Variants in FER observed in about 807,000 individuals in gnomAD.
FER encodes the protein tyrosine-protein kinase Fer.
A neutral mutation model predicts 111.0 loss-of-function variants in FER; 63 were observed. The observed-to-expected ratio is 0.57, with a 90% CI of 0.46 to 0.70. The LOEUF is 0.70. Among genes scored for constraint, FER ranks in the 30% least tolerant of loss-of-function variants. FER has a pLI of 0.00. For missense variants in FER, 914 were observed against 954.0 expected, an observed-to-expected ratio of 0.96 and a Z score of 0.55; for synonymous variants, 327 against 313.9, an observed-to-expected ratio of 1.04 and a Z score of -0.44.
chr5:109,032,224 T>C (rs562509303), intron 13 of FER, among the ~76,000 whole-genome samples: 1 of 152,238 alleles, frequency 6.6e-6, no homozygotes, highest in African/African-American at 2.4e-5. Flanking sequence ...ATAAACTCTT[T>C]AGAGATGTTA....
intron 16 of FER, among the ~76,000 whole-genome samples, chr5:109,082,727 C>G (rs923593646): frequency 1.3e-5 from 2 of 151,814 alleles, no homozygotes; most frequent in South Asian, 2.1e-4. Flanking sequence ...ATTCCATGTA[C>G]TGTACTATTA....
At position 108,954,735 on chromosome 5, in the gene FER, G is replaced by T; in HGVS notation, c.1336G>T (p.Asp446Tyr). 3.9e-6 allele frequency: 6 copies of T among 1,558,148 alleles called. No individual in the cohort carries two copies. Among genetic ancestry groups the T allele is most frequent in the South Asian group, 1.3e-5 (1 of 79,466 alleles). Reference protein sequence around the residue: ...KSALGSSALSDMISISEKPLA... With the variant: ...KSALGSSALSYMISISEKPLA... ...TTTTTAATATTTGTTTAAGCTTTCT[G>T]ATATGATCTCCATCAGTGAGAAGCC... Residue 446 changes from aspartate to tyrosine, a missense_variant, in exon 12 of 20, where the codon GAT becomes TAT. By Grantham distance (160) the Asp-to-Tyr change is radical. This residue lies in a region of FER where 774 missense variants were observed against 782.6 expected (regional missense o/e 0.99). Coordinates refer to ENST00000281092, the MANE Select transcript of FER (RefSeq NM_005246.4).
chr5:109,026,047 G>A (rs1389070693), intron 13 of FER, among the ~76,000 whole-genome samples: 1 of 152,108 alleles, frequency 6.6e-6, no homozygotes, highest in Non-Finnish European at 1.5e-5. Context: ...GAATGAAAAT[G>A]AGTTAGAAAA....
intron 5 of FER, among the ~76,000 whole-genome samples, chr5:108,854,640 T>C (rs543497015): frequency 3.3e-5 from 5 of 152,220 alleles, no homozygotes; most frequent in African/African-American, 1.2e-4. Context: ...CTACCATATA[T>C]TGAAAGTAGA....
chr5:109,165,551 A>G (rs1313162945), intron 17 of FER, among the ~76,000 whole-genome samples: 1 of 151,736 alleles, frequency 6.6e-6, no homozygotes, highest in Non-Finnish European at 1.5e-5. Context: ...GGTCACTTTT[A>G]GGGAAATAAA....
At chr5:108,834,774 C>T (rs1760438416) in intron 4 of FER, among the ~76,000 whole-genome samples, 1 of 147,284 alleles carries the variant, frequency 6.8e-6, no homozygotes, top group Non-Finnish European at 1.5e-5. Flanking sequence ...TGAGTTTTTT[C>T]TTGAATGGAG....
At chr5:108,897,509 ATAACT>A (rs1487064836) in intron 9 of FER, 145 bp from the exon 10 acceptor site, 1 of 555,916 alleles carries the variant, frequency 1.8e-6, no homozygotes, top group Non-Finnish European at 3.0e-6. Flanking sequence ...AAATACTGTG[ATAACT>A]TAAAATCTGC....
intron 16 of FER, among the ~76,000 whole-genome samples, chr5:109,060,558 C>G (rs141796505): frequency 0.11 from 16,333 of 151,880 alleles, 903 homozygotes; most frequent in Non-Finnish European, 0.13. Flanking sequence ...GTGGTGTGTG[C>G]CTGTAGTCTC....
At chr5:109,042,003 A>G (rs1311222708) in intron 14 of FER, among the ~76,000 whole-genome samples, 3 of 152,236 alleles carry the variant, frequency 2.0e-5, no homozygotes, top group South Asian at 2.1e-4. Flanking sequence ...GGATTTTGTT[A>G]GAACAGGAAG....
chr5:108,845,120 T>C (rs1169221610), intron 5 of FER, among the ~76,000 whole-genome samples: 1 of 141,202 alleles, frequency 7.1e-6, no homozygotes, highest in African/African-American at 2.5e-5. Context: ...TATTAACTTT[T>C]ATCCTATGGA....
chr5:109,082,035 G>C lies in FER; in HGVS notation c.1925-18361G>C. Among the ~76,000 whole-genome samples the C allele has an allele frequency of 2.2e-5, 3 of 139,210 alleles. No individual in the cohort carries two copies. The South Asian group carries it at 6.6e-4, about 31-fold the overall frequency. The allele number at this position is 139,210 out of a possible 152,430, so 91.3% of individuals were successfully genotyped here. The stretch of plus-strand genomic sequence containing the variant: ...CATTATTTTACTATATCTTATTATA[G>C]TTTATGTATGAAATTTGAACGGGGG... On this transcript the variant is annotated intron_variant, in intron 16 of 19. Coordinates refer to ENST00000281092, the MANE Select transcript of FER (RefSeq NM_005246.4).
intron 17 of FER, among the ~76,000 whole-genome samples, chr5:109,119,953 A>G (rs781198920): frequency 8.6e-5 from 13 of 151,886 alleles, no homozygotes; most frequent in Admixed American, 2.6e-4. Flanking sequence ...TCTTTTGCCT[A>G]TTTTTAAAGT....
At chr5:109,016,863 A>G (rs568176415) in intron 13 of FER, among the ~76,000 whole-genome samples, 1 of 152,146 alleles carries the variant, frequency 6.6e-6, no homozygotes, top group South Asian at 2.1e-4. Flanking sequence ...TTAAGGTTAA[A>G]TAAGGTTATA....
chr5:108,883,316 A>G, intron 8 of FER, 80 bp from the exon 9 acceptor site: 2 of 1,334,982 alleles, frequency 1.5e-6, no homozygotes, highest in Non-Finnish European at 2.0e-6. Context: ...ATTGCAACAT[A>G]AGATGTATGA....
chr5:109,142,540 G>T (rs1392834301), intron 17 of FER, among the ~76,000 whole-genome samples: 1 of 152,066 alleles, frequency 6.6e-6, no homozygotes, highest in Non-Finnish European at 1.5e-5. Context: ...GAAAAGAAAG[G>T]CATACTTTTG....
intron 3 of FER, among the ~76,000 whole-genome samples, chr5:108,816,772 A>G (rs189253510): frequency 1.7e-4 from 26 of 152,246 alleles, no homozygotes; most frequent in African/African-American, 5.8e-4. Context: ...ATAAGAATCT[A>G]TGGCCTTAGA....
intron 5 of FER, among the ~76,000 whole-genome samples, chr5:108,845,041 CATATATATATATATATATATATAT>C (rs1232663960): frequency 0.017 from 791 of 46,304 alleles, 17 homozygotes; most frequent in Middle Eastern, 0.052. Flanking sequence ...TATATATATA[CATATATATATATATATATATATAT>C]ATACACACAC....
At chr5:109,109,353 A>G (rs536222244) in intron 17 of FER, among the ~76,000 whole-genome samples, 1 of 152,270 alleles carries the variant, frequency 6.6e-6, no homozygotes, top group Admixed American at 6.6e-5. Context: ...ATAGACACAT[A>G]TGTAAAATAA....
At chr5:109,155,707 A>G (rs568382837) in intron 17 of FER, among the ~76,000 whole-genome samples, 4 of 152,050 alleles carry the variant, frequency 2.6e-5, no homozygotes, top group East Asian at 1.9e-4. Flanking sequence ...GCTTGATGAT[A>G]CTCTCTTACA....
Sources: gnomAD v4.1 joint callset for allele counts (sites outside exome capture counted in the v4.1 genomes callset) on GRCh38, gnomAD v4.1.1 for gene constraint, gnomAD v4.1.1 regional missense constraint, MANE v1.5 for transcripts, NCBI Gene and HGNC (gene_info 2026-07-23, HGNC 2026-07-21) for gene names.